Variants in EIF2AK4 observed in about 807,000 individuals in gnomAD.
EIF2AK4 encodes the protein eIF-2-alpha kinase GCN2.
In EIF2AK4, 139 loss-of-function variants were observed where a neutral mutation model predicts 211.1. The observed-to-expected ratio is 0.66, with a 90% CI of 0.57 to 0.76. The LOEUF is 0.76. EIF2AK4 is among the 30% of genes least tolerant of loss of function. The pLI, the probability that EIF2AK4 is intolerant of heterozygous loss-of-function variation, is 0.00. For missense variants in EIF2AK4, 1,664 were observed against 2,043.8 expected, an observed-to-expected ratio of 0.81 and a Z score of 3.58; for synonymous variants, 710 against 751.3, an observed-to-expected ratio of 0.94 and a Z score of 0.90.
At chr15:39,976,911 C>A in intron 12 of EIF2AK4, 67 bp downstream of exon 12, 1 of 1,325,610 alleles carries the variant, frequency 7.5e-7, no homozygotes. Context: ...ATTTTTTTTT[C>A]CTTTTTCCTT....
At chr15:40,011,211 G>T in intron 26 of EIF2AK4, 70 bp from the exon 27 acceptor site, 5 of 1,265,760 alleles carry the variant, frequency 4.0e-6, no homozygotes, top group South Asian at 1.2e-5. Flanking sequence ...GTTAGAATTC[G>T]CCTGGAAATT....
intron 7 of EIF2AK4, among the ~76,000 whole-genome samples, chr15:39,962,427 A>G (rs2034485813): frequency 1.3e-5 from 2 of 152,212 alleles, no homozygotes; most frequent in African/African-American, 4.8e-5. Flanking sequence ...TGCTGATCAA[A>G]TGTATGTAAC....
At chr15:39,955,208 C>A (rs1306338978) in intron 5 of EIF2AK4, among the ~76,000 whole-genome samples, 1 of 152,176 alleles carries the variant, frequency 6.6e-6, no homozygotes, top group African/African-American at 2.4e-5. Context: ...AGATTCTAAG[C>A]ATTTTCATTT....
intron 33 of EIF2AK4, among the ~76,000 whole-genome samples, chr15:40,026,755 G>A (rs999996946): frequency 2.0e-5 from 3 of 152,178 alleles, no homozygotes; most frequent in Admixed American, 1.3e-4. Flanking sequence ...AAGATGTAAC[G>A]TTCTGGGAAA....
At chr15:39,951,363 G>A (rs923453186) in intron 4 of EIF2AK4, 1 of 219,790 alleles carries the variant, frequency 4.5e-6, no homozygotes, top group Non-Finnish European at 9.4e-6. Context: ...ACCCACAGTG[G>A]ATTCTTAAGC....
At chr15:40,031,731 C>CT (rs201986933) in intron 35 of EIF2AK4, among the ~76,000 whole-genome samples, 21,433 of 148,832 alleles carry the variant, frequency 0.14, 1,662 homozygotes, top group Middle Eastern at 0.2. Flanking sequence ...AGCAAATCTT[C>CT]TTTTTTTTTT....
chr15:40,020,230 CT>C (rs976799371), intron 30 of EIF2AK4, among the ~76,000 whole-genome samples: 1 of 151,196 alleles, frequency 6.6e-6, no homozygotes, highest in African/African-American at 2.4e-5. Context: ...CTAGAAATAG[CT>C]TTTTTTCCCC....
intron 11 of EIF2AK4, 72 bp downstream of exon 11, chr15:39,973,821 C>T: frequency 6.4e-7 from 1 of 1,552,254 alleles, no homozygotes; most frequent in Non-Finnish European, 8.8e-7. Context: ...GACTCATGGA[C>T]TTTACTTTTA....
At chr15:40,008,644 C>T (rs1276825989) in intron 25 of EIF2AK4, among the ~76,000 whole-genome samples, 2 of 152,114 alleles carry the variant, frequency 1.3e-5, no homozygotes, top group Admixed American at 1.3e-4. Context: ...TTCCTGCCAC[C>T]GTCAGTCAAA....
chr15:39,950,546 G>A (rs921030440), intron 4 of EIF2AK4, among the ~76,000 whole-genome samples: 24 of 150,092 alleles, frequency 1.6e-4, no homozygotes, highest in Admixed American at 8.0e-4. Flanking sequence ...AGCCAAGATC[G>A]TGCCATTGCA....
intron 1 of EIF2AK4, among the ~76,000 whole-genome samples, chr15:39,937,995 T>C (rs760683063): frequency 2.6e-5 from 4 of 152,264 alleles, no homozygotes; most frequent in Non-Finnish European, 4.4e-5. Context: ...TTGTCTCAGC[T>C]TCAATGCTAC....
In EIF2AK4 at chr15:39,967,510, G is replaced by A. The variant is rs2034560734; in HGVS notation, c.1184G>A (p.Gly395Asp). ...VSLAAHLSHS[G>D]PIPVHQLRRY... ...CTTGCTGCACACCTGAGCCACTCAGGCCCCATCCCTGTGCATCAGCTTCGC... is the reference window on the plus strand; with the variant it reads ...CTTGCTGCACACCTGAGCCACTCAGACCCCATCCCTGTGCATCAGCTTCGC... Residue 395 changes from glycine (G) to aspartate (D), a missense_variant, in exon 9 of 39, where the codon GGC becomes GAC. Coordinates refer to ENST00000263791, the MANE Select transcript of EIF2AK4 (RefSeq NM_001013703.4). 1.2e-6 allele frequency: 2 copies of A among 1,613,850 alleles called. No homozygotes were observed. The highest frequency in any genetic ancestry group is 1.7e-6 in the Non-Finnish European group (2 of 1,180,018).
chr15:40,006,850 AGTGTGAGTG>A (rs2035168716), intron 23 of EIF2AK4, among the ~76,000 whole-genome samples, 157 bp from the exon 24 acceptor site: 2 of 152,192 alleles, frequency 1.3e-5, no homozygotes, highest in Admixed American at 6.5e-5. Flanking sequence ...CATTTCAGGG[AGTGTGAGTG>A]GTGAGCAGTG....
chr15:39,944,958 T>C (rs535799139), intron 3 of EIF2AK4, among the ~76,000 whole-genome samples: 2 of 152,296 alleles, frequency 1.3e-5, no homozygotes, highest in Admixed American at 6.5e-5. Flanking sequence ...ACTTCAGTGA[T>C]TGATGAGATT....
chr15:39,988,587 A>G (rs746007637), intron 15 of EIF2AK4, among the ~76,000 whole-genome samples: 1 of 152,256 alleles, frequency 6.6e-6, no homozygotes, highest in Non-Finnish European at 1.5e-5. Context: ...AGTAGTTGCA[A>G]CAGGGACTGT....
At chr15:40,034,860 C>A (rs963982050) in intron 38 of EIF2AK4, among the ~76,000 whole-genome samples, 167 bp from the exon 39 acceptor site, 17 of 152,152 alleles carry the variant, frequency 1.1e-4, no homozygotes, top group African/African-American at 3.6e-4. Flanking sequence ...ATACTGCAGA[C>A]CCCTGTCAGT....
chr15:40,031,729 TTC>T (rs1050400528), intron 35 of EIF2AK4, among the ~76,000 whole-genome samples: 27 of 146,358 alleles, frequency 1.8e-4, no homozygotes, highest in Admixed American at 7.5e-4. Flanking sequence ...AGAGCAAATC[TTC>T]TTTTTTTTTT....
chr15:40,016,987 A>G, intron 28 of EIF2AK4, 121 bp from the exon 29 acceptor site: 1 of 1,306,190 alleles, frequency 7.7e-7, no homozygotes, highest in East Asian at 2.3e-5. Flanking sequence ...CTTACTGAAT[A>G]TTTTGTTTAT....
chr15:39,944,277 C>G (rs373444207), intron 3 of EIF2AK4, among the ~76,000 whole-genome samples: 2 of 152,278 alleles, frequency 1.3e-5, no homozygotes, highest in Admixed American at 6.5e-5. Flanking sequence ...TGGCACAACT[C>G]TCTGTGGAAG....
Sources: allele counts gnomAD v4.1 joint callset (sites outside exome capture counted in the v4.1 genomes callset), GRCh38; gene constraint gnomAD v4.1.1; transcripts MANE v1.5; gene names NCBI Gene and HGNC (gene_info 2026-07-23, HGNC 2026-07-21).